Variants in IGSF9 observed in about 807,000 individuals in gnomAD.
IGSF9 encodes immunoglobulin superfamily member 9.
IGSF9 carries 87 observed loss-of-function variants against 121.7 expected under a neutral mutation model. That is an observed-to-expected ratio of 0.71 (90% confidence interval 0.60 to 0.85). The LOEUF (loss-of-function observed/expected upper bound fraction) is 0.85. Among genes scored for constraint, IGSF9 ranks in the 40% least tolerant of loss-of-function variants. The pLI is 0.00. For missense variants in IGSF9, 1,462 were observed against 1,565.3 expected, an observed-to-expected ratio of 0.93 and a Z score of 1.11; for synonymous variants, 640 against 648.4, an observed-to-expected ratio of 0.99 and a Z score of 0.20.
chr1:159,931,009 CAG>C lies in IGSF9; in HGVS notation c.1637+127_1637+128del, dbSNP rs1650976972. On this transcript the variant is annotated intron_variant, in intron 13 of 20. Coordinates refer to ENST00000368094, the MANE Select transcript of IGSF9 (RefSeq NM_001135050.2). This position sits in a 1 kb window ranked among gnomAD's most constrained non-coding sequence, Gnocchi z 4.8. ...CCCTGAATGCCTCAGAATCTGGAAACAGGGAAGCAGAGCCAGGACTGGTGAGG... is the reference window on the plus strand; with the variant it reads ...CCCTGAATGCCTCAGAATCTGGAAACGGAAGCAGAGCCAGGACTGGTGAGG... 3.4e-6 allele frequency: 5 copies of C among 1,474,600 alleles called. No individual in the cohort carries two copies. Among genetic ancestry groups the C allele is most frequent in the Admixed American group, 2.1e-5 (1 of 47,794 alleles). The allele number at this position is 1,474,600 out of a possible 1,614,324, so 91.3% of individuals were successfully genotyped here.
chr1:159,929,082 C>A, intron 18 of IGSF9, 64 bp from the exon 19 acceptor site: 1 of 1,484,414 alleles, frequency 6.7e-7, no homozygotes, highest in South Asian at 1.4e-5. Context: ...GAGCCAGCGT[C>A]AGGCCTTGAG....
Position 159,927,789 on chromosome 1 carries a change from C to A in IGSF9, c.3329G>T (p.Arg1110Leu), listed in dbSNP as rs773126631. Residue 1110 changes from arginine (R) to leucine (L), a missense_variant, in exon 20 of 21, where the codon CGG becomes CTG. Coordinates refer to ENST00000368094, the MANE Select transcript of IGSF9 (RefSeq NM_001135050.2). The stretch of plus-strand genomic sequence containing the variant: ...CTCTGGCTCAGCTTCAGGTCTGAGC[C>A]GGGAGCTGGCCAAGCCCAGGTGCAA... ...ETLHLGLASS[R>L]LRPEAEPELG... 38 of 1,613,756 alleles carry A rather than the reference C, an allele frequency of 2.4e-5. No individual in the cohort carries two copies. In the South Asian group the frequency reaches 3.1e-4, roughly 13 times the overall value.
chr1:159,927,704 G>A (rs747671325), intron 20 of IGSF9, 56 bp downstream of exon 20: 55 of 1,591,260 alleles, frequency 3.5e-5, no homozygotes, highest in South Asian at 2.6e-4. Flanking sequence ...CTAAGGTGGC[G>A]GGGGGATGTG....
In IGSF9 at chr1:159,934,299, G is replaced by A; in HGVS notation, c.995C>T (p.Thr332Ile). 2 of 1,608,968 alleles carry A rather than the reference G, an allele frequency of 1.2e-6. No homozygotes were observed. Among genetic ancestry groups the A allele is most frequent in the Non-Finnish European group, 1.7e-6 (2 of 1,177,478 alleles). ...CCCCGGCATGCCTATGGGCAGGGGT[G>A]TCTCAGGAGGCATAGCTGTCACCTG... ...PAQVTAMPPE[T>I]PLPIGMPGVI... Residue 332 changes from threonine (T) to isoleucine (I), a missense_variant, in exon 9 of 21, where the codon ACA (threonine) becomes ATA (isoleucine). Physicochemically the swap from Thr to Ile is moderately conservative, Grantham distance 89. Coordinates refer to ENST00000368094, the MANE Select transcript of IGSF9 (RefSeq NM_001135050.2).
intron 3 of IGSF9, among the ~76,000 whole-genome samples, chr1:159,940,637 G>A (rs1651344377): frequency 6.6e-6 from 1 of 152,254 alleles, no homozygotes; most frequent in South Asian, 2.1e-4. Context: ...ACTGCGCCCA[G>A]ACATTGCACT....
intron 1 of IGSF9, among the ~76,000 whole-genome samples, chr1:159,944,539 A>G (rs1322938205): frequency 1.3e-5 from 2 of 152,110 alleles, no homozygotes; most frequent in African/African-American, 2.4e-5. Flanking sequence ...GGGTTTGTCA[A>G]GCTCTTTCTT....
intron 3 of IGSF9, among the ~76,000 whole-genome samples, chr1:159,941,435 C>T (rs1651376259): frequency 6.6e-6 from 1 of 152,258 alleles, no homozygotes; most frequent in Admixed American, 6.5e-5. Context: ...TGACCAAGAG[C>T]TCCAGACGGA....
At position 159,934,818 on chromosome 1, in the gene IGSF9, G is replaced by C. The variant is rs1308798027; in HGVS notation, c.678C>G (p.Pro226=). The change falls in exon 7 of 21, where the codon CCC becomes CCG. Residue 226 remains proline, a synonymous_variant. Coordinates refer to ENST00000368094, the MANE Select transcript of IGSF9 (RefSeq NM_001135050.2). Reference sequence around the variant, plus strand: ...TCTTGGGGGGCACCACGATGACTGGGGGTCCTGTGGGATGCACAAGGGGAG... The same window carrying C: ...TCTTGGGGGGCACCACGATGACTGGCGGTCCTGTGGGATGCACAAGGGGAG... ...THATQLLVLG[P]PVIVVPPKNS... 6.2e-7 allele frequency: 1 copy of C among 1,614,052 alleles called. No homozygotes were observed. The highest frequency in any genetic ancestry group is 1.3e-5 in the African/African-American group (1 of 75,042).
Position 159,928,878 on chromosome 1 carries a change from C to T in IGSF9, c.2510G>A (p.Arg837Gln), listed in dbSNP as rs770848525. 3.3e-5 allele frequency: 53 copies of T among 1,593,398 alleles called. No homozygotes were observed. The highest frequency in any genetic ancestry group is 2.3e-4 in the Admixed American group (13 of 56,986). The change falls in exon 19 of 21, where the codon CGG becomes CAG. Residue 837 changes from arginine to glutamine, a missense_variant. By Grantham distance (43) the Arg-to-Gln change is conservative (BLOSUM62 1). This residue lies in a region of IGSF9 where 808 missense variants were observed against 815.2 expected (regional missense o/e 0.99). Transcript: ENST00000368094. ...PSPHPDPPSS[R>Q]GPLPLEPICR... The stretch of plus-strand genomic sequence containing the variant: ...AATGGGCTCCAGAGGTAAGGGTCCC[C>T]GGCTAGATGGAGGATCCGGGTGGGG...
intron 3 of IGSF9, among the ~76,000 whole-genome samples, chr1:159,942,556 A>G (rs1320568): frequency 0.36 from 54,230 of 152,178 alleles, 11,707 homozygotes; most frequent in Non-Finnish European, 0.46. Context: ...GAGTGAGCAG[A>G]TAGTAGAGCC....
chr1:159,939,659 C>A (rs1042435152), intron 3 of IGSF9, among the ~76,000 whole-genome samples: 1 of 152,178 alleles, frequency 6.6e-6, no homozygotes, highest in African/African-American at 2.4e-5. Context: ...TTCCATTCTA[C>A]CTCTAGAGTG....
intron 13 of IGSF9, 38 bp from the exon 14 acceptor site, chr1:159,930,905 T>C (rs1446905153): frequency 3.9e-6 from 6 of 1,549,190 alleles, no homozygotes; most frequent in Non-Finnish European, 5.2e-6. Flanking sequence ...CCTCGTGAGC[T>C]AGGAAGACCA....
At position 159,930,749 on chromosome 1, in the gene IGSF9, C is replaced by A. The variant is rs1650965732; in HGVS notation, c.1756G>T (p.Ala586Ser). ...PHTQYQFSVL[A>S]QNKLGSGPFS... ...GGACCACTCCCCAGCTTGTTCTGAGCTAGCACGCTGAACTGGTACTGGGTG... is the reference window on the plus strand; with the variant it reads ...GGACCACTCCCCAGCTTGTTCTGAGATAGCACGCTGAACTGGTACTGGGTG... Residue 586 changes from alanine (A) to serine (S), a missense_variant, in exon 14 of 21, where the codon GCT becomes TCT. Ala to Ser is a moderately conservative substitution (Grantham distance 99). Transcript: ENST00000368094. 3.7e-6 allele frequency: 6 copies of A among 1,614,186 alleles called. No homozygotes were observed. Among genetic ancestry groups the A allele is most frequent in the Non-Finnish European group, 5.1e-6 (6 of 1,180,016 alleles).
intron 18 of IGSF9, 141 bp downstream of exon 18, chr1:159,929,210 C>A: frequency 7.7e-7 from 1 of 1,303,346 alleles, no homozygotes; most frequent in Non-Finnish European, 1.1e-6. Context: ...GGGGCCACTG[C>A]ACACCCCTTC....
At position 159,930,050 on chromosome 1, in the gene IGSF9, G is replaced by A. The variant is rs1650933416; in HGVS notation, c.2065-75C>T. 115 of 1,560,168 alleles carry A rather than the reference G, an allele frequency of 7.4e-5. 3 individuals carry two copies. The South Asian group carries it at 1.1e-3, about 14-fold the overall frequency. ...CAACCCAGCGGGGCGCGGAAAGACC[G>A]TGCACGTGGGACGGAAGGGTGAGGT... On this transcript the variant is annotated intron_variant, in intron 15 of 20. Transcript: ENST00000368094.
intron 2 of IGSF9, 31 bp downstream of exon 2, chr1:159,943,366 G>A (rs768165897): frequency 8.5e-6 from 13 of 1,537,924 alleles, no homozygotes; most frequent in Non-Finnish European, 1.1e-5. Flanking sequence ...AAGGCTAACA[G>A]GGCATTCTTG....
Position 159,931,562 on chromosome 1 carries a change from G to T in IGSF9, c.1404C>A (p.Asn468Lys), listed in dbSNP as rs772672045. The part of the protein sequence containing the change: ...GLQGQAQVDS[N>K]SSLILRPLTK... ...TCAATGGTCGCAGGATGAGGCTGCTGTTGCTGTCCACCTGGGCCTGGCCTT... is the reference window on the plus strand; with the variant it reads ...TCAATGGTCGCAGGATGAGGCTGCTTTTGCTGTCCACCTGGGCCTGGCCTT... The change falls in exon 12 of 21, where the codon AAC becomes AAA. Residue 468 changes from asparagine (N) to lysine (K), a missense_variant. This residue lies in a region of IGSF9 where 96 missense variants were observed against 150.7 expected (regional missense o/e 0.64). Coordinates refer to ENST00000368094, the MANE Select transcript of IGSF9 (RefSeq NM_001135050.2). The surrounding 1 kb of genome is among the most constrained non-coding windows in gnomAD (Gnocchi z 4.8). 1 of 1,614,102 alleles carries T rather than the reference G, an allele frequency of 6.2e-7. No individual in the cohort carries two copies. The highest frequency in any genetic ancestry group is 8.5e-7 in the Non-Finnish European group (1 of 1,179,994).
At chr1:159,939,384 T>C (rs1651302793) in intron 3 of IGSF9, among the ~76,000 whole-genome samples, 1 of 152,146 alleles carries the variant, frequency 6.6e-6, no homozygotes, top group Non-Finnish European at 1.5e-5. Context: ...CGTGTCACCA[T>C]GCCTGGCTAA....
In IGSF9 at chr1:159,932,976, T is replaced by C. The variant is rs917467239; in HGVS notation, c.1105-324A>G. 3 of 237,548 alleles carry C rather than the reference T, an allele frequency of 1.3e-5. No individual in the cohort carries two copies. Among genetic ancestry groups the C allele is most frequent in the Non-Finnish European group, 1.6e-5 (2 of 122,728 alleles). 14.7% of individuals were successfully genotyped at this position (237,548 alleles called of 1,614,324 possible). A position where few individuals can be genotyped will look rare whatever the true frequency, so the allele number is the denominator to read the frequency against. On this transcript the variant is annotated intron_variant, in intron 9 of 20. Transcript: ENST00000368094. This position sits in a 1 kb window ranked among gnomAD's most constrained non-coding sequence, Gnocchi z 4.1. ...CTTCACCTGGCTCTCTTCCCAGCAC[T>C]CCACAACTAAGTTCAGAGTCTTCCA...
Sources: allele counts gnomAD v4.1 joint callset (sites outside exome capture counted in the v4.1 genomes callset), GRCh38; gene constraint gnomAD v4.1.1; regional missense constraint gnomAD v4.1.1; non-coding constraint Gnocchi (gnomAD v3.1); transcripts MANE v1.5; gene names NCBI Gene and HGNC (gene_info 2026-07-23, HGNC 2026-07-21).